The following SLC35D1 variants were observed in gnomAD, a reference collection of about 807,000 sequenced individuals.
SLC35D1 encodes solute carrier family 35 member D1, also known as nucleotide sugar transporter SLC35D1.
In SLC35D1, 31 loss-of-function variants were observed where a neutral mutation model predicts 46.7. That is an observed-to-expected ratio of 0.66 (90% CI 0.50 to 0.90). The LOEUF is 0.90. Among genes scored for constraint, SLC35D1 ranks in the 40% least tolerant of loss-of-function variants. The pLI is 0.00. For missense variants in SLC35D1, 397 were observed against 426.2 expected (o/e 0.93, Z 0.60); for synonymous variants, 195 against 164.6 (o/e 1.18, Z -1.41).
In SLC35D1 at chr1:67,001,564, C is replaced by A. The variant is rs2102219765; in HGVS notation, c.*2776G>T. 6.6e-6 allele frequency: 1 copy of A among 152,348 alleles called. No individual in the cohort carries two copies. Among genetic ancestry groups the A allele is most frequent in the South Asian group, 2.1e-4 (1 of 4,814 alleles). The allele number at this position is 152,348 out of a possible 1,614,324, so 9.4% of individuals were successfully genotyped here. A position where few individuals can be genotyped will look rare whatever the true frequency, so the allele number is the denominator to read the frequency against. On this transcript the variant is annotated 3_prime_UTR_variant, in exon 12 of 12. Transcript: ENST00000235345. ...ACCACAGCTCATCTGTCTCAGTGGG[C>A]AAATTAAGGATTTAACTCTGTATTG...
chr1:67,038,116 T>TA (rs1300888283), intron 8 of SLC35D1, among the ~76,000 whole-genome samples: 1 of 152,160 alleles, frequency 6.6e-6, no homozygotes, highest in Non-Finnish European at 1.5e-5. Context: ...TAAAGAATAA[T>TA]TGATCCAACC....
chr1:67,020,601 A>C (rs1259393997), intron 9 of SLC35D1, among the ~76,000 whole-genome samples, 154 bp from the exon 10 acceptor site: 1 of 152,178 alleles, frequency 6.6e-6, no homozygotes, highest in Non-Finnish European at 1.5e-5. Flanking sequence ...GCAGCTTCAG[A>C]ATTTTTAAAA....
intron 8 of SLC35D1, among the ~76,000 whole-genome samples, chr1:67,041,951 G>A (rs921830952): frequency 2.6e-5 from 4 of 152,132 alleles, no homozygotes; most frequent in Non-Finnish European, 5.9e-5. Flanking sequence ...TAGCAGAAAT[G>A]TAAAAATTCC....
At chr1:66,985,119 T>C in the SLC35D1 span, 9 of 1,194,770 alleles carry the variant, frequency 7.5e-6, no homozygotes, top group African/African-American at 3.2e-5. Context: ...ATTAGTAAAT[T>C]TGAATGAACT....
chr1:67,029,780 A>T (rs1041362022), intron 8 of SLC35D1, among the ~76,000 whole-genome samples: 2 of 152,146 alleles, frequency 1.3e-5, no homozygotes, highest in African/African-American at 4.8e-5. Flanking sequence ...ATTTGTTTTT[A>T]AAAAAAGTTT....
At chr1:66,988,189 G>T in the SLC35D1 span, 5 of 152,388 alleles carry the variant, frequency 3.3e-5, no homozygotes, top group African/African-American at 9.6e-5. Flanking sequence ...AAATGCCAGT[G>T]TGGAAAACCA....
chr1:67,004,566 G>A, intron 11 of SLC35D1, 118 bp from the exon 12 acceptor site: 1 of 785,782 alleles, frequency 1.3e-6, no homozygotes, highest in South Asian at 1.5e-5. Flanking sequence ...TTCACAGTGG[G>A]GAAATTCATA....
chr1:66,999,234 T>C (rs1356735533), downstream of SLC35D1: 1 of 152,288 alleles, frequency 6.6e-6, no homozygotes, highest in Non-Finnish European at 1.5e-5. Context: ...ATACATACTA[T>C]TCATAAAAGC....
rs1667333090 is a variant in SLC35D1 at position 67,001,226 on chromosome 1, C to T, written c.*3114G>A. The T allele has an allele frequency of 6.6e-6, 1 of 152,260 alleles. No individual in the cohort carries two copies. The highest frequency in any genetic ancestry group is 2.4e-5 in the African/African-American group (1 of 41,408). 9.4% of individuals were successfully genotyped at this position (152,260 alleles called of 1,614,324 possible). Reference sequence around the variant, plus strand: ...CTCAATGTGAAACTCCACTGTTTCTCCGTGAGGATCCTGCACCAGCTGTAC... The same window carrying T: ...CTCAATGTGAAACTCCACTGTTTCTTCGTGAGGATCCTGCACCAGCTGTAC... On this transcript the variant is annotated 3_prime_UTR_variant, in exon 12 of 12. Transcript: ENST00000235345.
the SLC35D1 span, among the ~76,000 whole-genome samples, chr1:66,978,516 AT>A: frequency 5.3e-5 from 8 of 152,132 alleles, no homozygotes; most frequent in South Asian, 4.1e-4. Context: ...TTTATAGTTA[AT>A]TTTTTTTCCA....
At chr1:66,979,305 T>G in the SLC35D1 span, among the ~76,000 whole-genome samples, 2 of 152,352 alleles carry the variant, frequency 1.3e-5, no homozygotes, top group East Asian at 3.9e-4. Flanking sequence ...ATTAAGCTAA[T>G]GTGTTTAGAG....
chr1:67,015,387 G>T (rs2009319), intron 10 of SLC35D1, among the ~76,000 whole-genome samples: 120,053 of 151,980 alleles, frequency 0.79, 47,826 homozygotes, highest in South Asian at 0.88. Flanking sequence ...AAATAAAATC[G>T]AATTTTCTCT....
At chr1:67,007,329 G>C (rs1028290341) in intron 11 of SLC35D1, among the ~76,000 whole-genome samples, 2 of 152,060 alleles carry the variant, frequency 1.3e-5, no homozygotes, top group Non-Finnish European at 2.9e-5. Context: ...TCATGCTCTG[G>C]GATCTCTTAC....
At chr1:66,998,172 G>A (rs1335563955), downstream of SLC35D1, among the ~76,000 whole-genome samples, 5 of 152,070 alleles carry the variant, frequency 3.3e-5, no homozygotes, top group Non-Finnish European at 5.9e-5. Context: ...TTTCACTTCT[G>A]AGTATATACC....
chr1:67,048,241 T>C (rs1645271129), intron 6 of SLC35D1, among the ~76,000 whole-genome samples: 1 of 152,224 alleles, frequency 6.6e-6, no homozygotes, highest in South Asian at 2.1e-4. Flanking sequence ...TTCCTTTCAA[T>C]CTTTTTCCAA....
chr1:67,039,258 G>C (rs1282977575), intron 8 of SLC35D1, among the ~76,000 whole-genome samples: 1 of 152,082 alleles, frequency 6.6e-6, no homozygotes, highest in African/African-American at 2.4e-5. Context: ...TTCAAATTTA[G>C]GGTTAATCAC....
In SLC35D1 at chr1:67,009,139, AC is replaced by A; in HGVS notation, c.904del (p.Val302SerfsTer16). ...CGTGAAAATATAATCTCCACCAAAGACCATTCCAATATAAGTTATTAATATA... is the reference window on the plus strand; with the variant it reads ...CGTGAAAATATAATCTCCACCAAAGACATTCCAATATAAGTTATTAATATA... ...KNILITYIGM[V>X]FGGDYIFTWT... On this transcript the variant is annotated frameshift_variant, in exon 11 of 12. Transcript: ENST00000235345. LOFTEE classifies it high-confidence loss of function. The A allele has an allele frequency of 6.8e-7, 1 of 1,479,976 alleles. No individual in the cohort carries two copies. The highest frequency in any genetic ancestry group is 9.4e-7 in the Non-Finnish European group (1 of 1,063,660). The allele number at this position is 1,479,976 out of a possible 1,614,324, so 91.7% of individuals were successfully genotyped here. A position where few individuals can be genotyped will look rare whatever the true frequency, so the allele number is the denominator to read the frequency against.
chr1:67,052,371 G>A (rs956192977), intron 3 of SLC35D1, among the ~76,000 whole-genome samples: 4 of 152,138 alleles, frequency 2.6e-5, no homozygotes, highest in African/African-American at 9.7e-5. Context: ...TAATGTATTA[G>A]AGCCCATGGC....
At chr1:66,985,192 T>C in the SLC35D1 span, 22 of 978,986 alleles carry the variant, frequency 2.2e-5, no homozygotes, top group Non-Finnish European at 2.7e-5. Context: ...CTAATTTTGG[T>C]AAATCTGAAT....
Sources: gnomAD v4.1 joint callset for allele counts (sites outside exome capture counted in the v4.1 genomes callset) on GRCh38, gnomAD v4.1.1 for gene constraint, MANE v1.5 for transcripts, NCBI Gene and HGNC (gene_info 2026-07-23, HGNC 2026-07-21) for gene names.